The following AKAP6 variants were observed in gnomAD, a reference collection of about 807,000 sequenced individuals.
AKAP6 encodes the protein A-kinase anchor protein 6.
Under a neutral mutation model 188.5 loss-of-function variants are expected in AKAP6, and 58 were observed. The ratio of observed to expected loss-of-function variants is 0.31; its 90% confidence interval spans 0.25 to 0.38. The LOEUF (loss-of-function observed/expected upper bound fraction) is 0.38, where lower values mean the gene tolerates loss of function less well. Among genes scored for constraint, AKAP6 ranks in the 10% least tolerant of loss-of-function variants. The probability of loss-of-function intolerance (pLI) is 1.00; values close to 1 mark genes in which losing one functional copy is unlikely to be tolerated. For missense variants in AKAP6, 2,710 were observed against 2,740.0 expected (o/e 0.99, Z 0.24); for synonymous variants, 989 against 998.6 (o/e 0.99, Z 0.18).
intron 2 of AKAP6, among the ~76,000 whole-genome samples, chr14:32,470,160 A>G (rs1254094645): frequency 6.6e-6 from 1 of 152,154 alleles, no homozygotes; most frequent in Admixed American, 6.6e-5. Flanking sequence ...AGGCTATTTG[A>G]TATTTAGAGC....
chr14:32,433,536 G>C lies in AKAP6; in HGVS notation c.43G>C (p.Asp15His), dbSNP rs754804641. The C allele has an allele frequency of 1.1e-5, 17 of 1,613,918 alleles. No individual in the cohort carries two copies. The highest frequency in any genetic ancestry group is 1.0e-4 in the Admixed American group (6 of 59,996). The change falls in exon 2 of 14, where the codon GAC (aspartate) becomes CAC (histidine). Residue 15 changes from aspartate (D) to histidine (H), a missense_variant. Coordinates refer to ENST00000280979, the MANE Select transcript of AKAP6 (RefSeq NM_004274.5). ...GACACTTTCCCCCCTGAGGTCACAG[G>C]ACCTGGATCCCATGGCTACTGATGC... ...SVTLSPLRSQ[D>H]LDPMATDASP...
chr14:32,349,668 G>A (rs1887196731), intron 1 of AKAP6, among the ~76,000 whole-genome samples: 1 of 152,192 alleles, frequency 6.6e-6, no homozygotes, highest in Non-Finnish European at 1.5e-5. Context: ...CTCTGTGTTA[G>A]GAAGTGCTCG....
chr14:32,735,619 T>G, intron 10 of AKAP6, 39 bp from the exon 11 acceptor site: 1 of 1,434,838 alleles, frequency 7.0e-7, no homozygotes, highest in South Asian at 1.3e-5. Flanking sequence ...TTTTTTTGTT[T>G]GTTTGTTTTA....
At chr14:32,373,835 A>G (rs1017108377) in intron 1 of AKAP6, among the ~76,000 whole-genome samples, 1 of 152,216 alleles carries the variant, frequency 6.6e-6, no homozygotes, top group African/African-American at 2.4e-5. Context: ...TAGACCAAGC[A>G]TTAGCTAATT....
chr14:32,693,705 G>A (rs1890274940), intron 8 of AKAP6: 1 of 152,130 alleles, frequency 6.6e-6, no homozygotes, highest in South Asian at 2.1e-4. Flanking sequence ...CAAATCCTCT[G>A]ACGTGGAAAG....
chr14:32,645,221 A>G (rs1887935460), intron 7 of AKAP6, among the ~76,000 whole-genome samples: 1 of 152,184 alleles, frequency 6.6e-6, no homozygotes, highest in South Asian at 2.1e-4. Flanking sequence ...TTGTATATAT[A>G]GTATTAGGCA....
chr14:32,563,291 T>C (rs1566577380), intron 4 of AKAP6, among the ~76,000 whole-genome samples: 2 of 152,316 alleles, frequency 1.3e-5, no homozygotes, highest in Middle Eastern at 3.4e-3. Context: ...ATACCTGTGC[T>C]ATTGTAAGCA....
At chr14:32,705,897 G>A (rs772815900) in intron 9 of AKAP6, among the ~76,000 whole-genome samples, 8 of 152,202 alleles carry the variant, frequency 5.3e-5, no homozygotes, top group South Asian at 2.1e-4. Flanking sequence ...GAGCTCTAGC[G>A]GGTCTCACTC....
chr14:32,381,422 A>C (rs1594560809), intron 1 of AKAP6, among the ~76,000 whole-genome samples: 2 of 152,232 alleles, frequency 1.3e-5, no homozygotes, highest in African/African-American at 4.8e-5. Context: ...ACTTGGTTCT[A>C]GTTTCAGTGA....
intron 7 of AKAP6, among the ~76,000 whole-genome samples, chr14:32,613,110 A>G (rs1286105399): frequency 6.6e-6 from 1 of 152,228 alleles, no homozygotes; most frequent in African/African-American, 2.4e-5. Context: ...GAAATATATG[A>G]TTGGGGAGCT....
chr14:32,779,415 C>A (rs201105553), intron 12 of AKAP6, among the ~76,000 whole-genome samples: 247 of 105,298 alleles, frequency 2.3e-3, no homozygotes, highest in South Asian at 3.6e-3. Context: ...GTCTCAGGAC[C>A]AAAAAAAAAA....
chr14:32,356,293 A>G (rs1217882990), intron 1 of AKAP6, among the ~76,000 whole-genome samples: 1 of 152,096 alleles, frequency 6.6e-6, no homozygotes, highest in Non-Finnish European at 1.5e-5. Flanking sequence ...TCTCATCCAT[A>G]CCAGGGCTTG....
intron 7 of AKAP6, among the ~76,000 whole-genome samples, chr14:32,664,662 T>G (rs1458296463): frequency 6.6e-6 from 1 of 152,068 alleles, no homozygotes; most frequent in African/African-American, 2.4e-5. Flanking sequence ...CTGCCTTTAT[T>G]CCGTTCACGC....
intron 2 of AKAP6, among the ~76,000 whole-genome samples, chr14:32,514,448 A>C (rs767655907): frequency 6.6e-6 from 1 of 152,230 alleles, no homozygotes; most frequent in African/African-American, 2.4e-5. Context: ...TAAAAAGTAC[A>C]TCTAAGAAAG....
intron 4 of AKAP6, among the ~76,000 whole-genome samples, chr14:32,554,738 G>C (rs1337004406): frequency 6.6e-6 from 1 of 152,120 alleles, no homozygotes; most frequent in Non-Finnish European, 1.5e-5. Context: ...ATTGATGCTG[G>C]GTTAACAGCT....
At chr14:32,769,052 T>TTTTTTTTTTTTTTTTTTG (rs2032812157) in intron 11 of AKAP6, among the ~76,000 whole-genome samples, 1 of 116,670 alleles carries the variant, frequency 8.6e-6, no homozygotes, top group Non-Finnish European at 1.8e-5. Context: ...TTTTTTTTTT[T>TTTTTTTTTTTTTTTTTTG]TTTTTTTTTT....
At chr14:32,472,894 GAAA>G (rs5807660) in intron 2 of AKAP6, among the ~76,000 whole-genome samples, 1 of 150,736 alleles carries the variant, frequency 6.6e-6, no homozygotes, top group Admixed American at 6.6e-5. Context: ...TGTATTAAAG[GAAA>G]AAAAAAGAGA....
chr14:32,818,503 TG>T (rs2034442963), intron 12 of AKAP6, among the ~76,000 whole-genome samples: 1 of 151,814 alleles, frequency 6.6e-6, no homozygotes, highest in Admixed American at 6.6e-5. Flanking sequence ...AGGGAAAACT[TG>T]GGTTTTTTTT....
Position 32,545,609 on chromosome 14 carries a change from C to T in AKAP6, c.956C>T (p.Pro319Leu). Residue 319 changes from proline (P) to leucine (L), a missense_variant, in exon 4 of 14, where the codon CCA (proline) becomes CTA (leucine). This residue lies in a region of AKAP6 where 2,473 missense variants were observed against 2,426.1 expected (regional missense o/e 1.02). Coordinates refer to ENST00000280979, the MANE Select transcript of AKAP6 (RefSeq NM_004274.5). ...EDNASAVEEQPGLTLGVSSSS... is the reference protein window; with the variant it reads ...EDNASAVEEQLGLTLGVSSSS... ...AATGCTTCTGCAGTCGAAGAGCAAC[C>T]AGGCTTAACACTGGGGGTGTCATCA... The T allele has an allele frequency of 6.2e-7, 1 of 1,614,146 alleles. No individual in the cohort carries two copies. Among genetic ancestry groups the T allele is most frequent in the Non-Finnish European group, 8.5e-7 (1 of 1,180,012 alleles).
Sources: allele counts gnomAD v4.1 joint callset (sites outside exome capture counted in the v4.1 genomes callset), GRCh38; gene constraint gnomAD v4.1.1; regional missense constraint gnomAD v4.1.1; transcripts MANE v1.5; gene names NCBI Gene and HGNC (gene_info 2026-07-23, HGNC 2026-07-21).